The following DCAF6 variants were observed in gnomAD, a reference collection of about 807,000 sequenced individuals.
DCAF6 encodes the protein DDB1- and CUL4-associated factor 6.
A neutral mutation model predicts 125.1 loss-of-function variants in DCAF6; 54 were observed. That is an observed-to-expected ratio of 0.43 (90% CI 0.35 to 0.54). The LOEUF is 0.54. Ranked by LOEUF, DCAF6 falls within the 20% of genes least tolerant of loss-of-function variation. The probability of loss-of-function intolerance (pLI) is 0.01; values close to 1 mark genes in which losing one functional copy is unlikely to be tolerated. For synonymous variants in DCAF6, 371 were observed against 390.4 expected (o/e 0.95, Z 0.58); for missense variants, 934 against 1,161.7 (o/e 0.80, Z 2.85).
Position 167,936,919 on chromosome 1 carries a change from G to T in DCAF6, c.8G>T (p.Arg3Leu). MS[R>L]GGSYPHLLWD... ...CCCGGCTCAGGCAGAGCCATGTCTCGGGGTGGCTCCTACCCACACCTGTTG... is the reference window on the plus strand; with the variant it reads ...CCCGGCTCAGGCAGAGCCATGTCTCTGGGTGGCTCCTACCCACACCTGTTG... Residue 3 changes from arginine to leucine, a missense_variant, in exon 1 of 22, where the codon CGG (arginine) becomes CTG (leucine). Transcript: ENST00000367840. The T allele has an allele frequency of 6.2e-7, 1 of 1,604,286 alleles. No homozygotes were observed. The highest frequency in any genetic ancestry group is 1.1e-5 in the South Asian group (1 of 89,142).
intron 11 of DCAF6, among the ~76,000 whole-genome samples, chr1:168,017,495 A>T (rs1685139929): frequency 6.6e-6 from 1 of 152,082 alleles, no homozygotes; most frequent in Non-Finnish European, 1.5e-5. Context: ...ACGGATTTGA[A>T]TTGAAGCAAG....
chr1:167,960,211 G>A (rs577976627), intron 2 of DCAF6, among the ~76,000 whole-genome samples: 1 of 152,096 alleles, frequency 6.6e-6, no homozygotes, highest in Non-Finnish European at 1.5e-5. Context: ...TCTGAATTCT[G>A]TTTAGTTATC....
chr1:168,028,819 A>G (rs1489361477), intron 12 of DCAF6, among the ~76,000 whole-genome samples: 2 of 152,176 alleles, frequency 1.3e-5, no homozygotes, highest in Non-Finnish European at 2.9e-5. Flanking sequence ...AAACATATTG[A>G]CAATTCTAAT....
At chr1:167,933,286 G>A (rs1486652632), upstream of DCAF6, among the ~76,000 whole-genome samples, 1 of 150,506 alleles carries the variant, frequency 6.6e-6, no homozygotes, top group African/African-American at 2.5e-5. Context: ...TCCCGCCTCA[G>A]CCTCCCAAGT....
intron 14 of DCAF6, among the ~76,000 whole-genome samples, 161 bp from the exon 15 acceptor site, chr1:168,044,418 TATAGAG>T (rs1243715212): frequency 1.3e-5 from 2 of 152,136 alleles, no homozygotes; most frequent in East Asian, 3.9e-4. Context: ...TTATAAGTAA[TATAGAG>T]ATAATTTACA....
intron 21 of DCAF6, among the ~76,000 whole-genome samples, chr1:168,074,154 C>G (rs2102045955): frequency 6.6e-6 from 1 of 151,650 alleles, no homozygotes; most frequent in South Asian, 2.1e-4. Flanking sequence ...TAATCTAATT[C>G]ACTTGGACAA....
At position 168,015,818 on chromosome 1, in the gene DCAF6, G is replaced by A. The variant is rs1437576756; in HGVS notation, c.1416G>A (p.Lys472=). The A allele has an allele frequency of 2.0e-6, 3 of 1,528,852 alleles. No individual in the cohort carries two copies. The highest frequency in any genetic ancestry group is 2.1e-5 in the Admixed American group (1 of 48,498). The allele number at this position is 1,528,852 out of a possible 1,614,324, so 94.7% of individuals were successfully genotyped here. A position where few individuals can be genotyped will look rare whatever the true frequency, so the allele number is the denominator to read the frequency against. ...LRGPEIALLR[K]RLQQLRLKKA... ...GCCCTGAGATAGCTTTGCTTCGTAA[G>A]CGCCTGCAACAACTGAGGCTTAAGA... Residue 472 remains lysine, a synonymous_variant, in exon 11 of 22, where the codon AAG becomes AAA. Coordinates refer to ENST00000367840, the MANE Select transcript of DCAF6 (RefSeq NM_001198956.2).
the DCAF6 span, among the ~76,000 whole-genome samples, chr1:167,909,094 C>T: frequency 3.3e-5 from 5 of 152,180 alleles, no homozygotes; most frequent in African/African-American, 1.2e-4. Context: ...CTGAAGGTAA[C>T]CTTTCTTATT....
intron 7 of DCAF6, among the ~76,000 whole-genome samples, chr1:168,000,008 A>G (rs1020458866): frequency 6.6e-6 from 1 of 152,030 alleles, no homozygotes; most frequent in African/African-American, 2.4e-5. Context: ...AATCGTTTCT[A>G]GCTTTTGATT....
At chr1:167,922,371 T>G in the DCAF6 span, among the ~76,000 whole-genome samples, 2 of 152,080 alleles carry the variant, frequency 1.3e-5, no homozygotes, top group Non-Finnish European at 2.9e-5. Flanking sequence ...ATCAATAAAC[T>G]CCTAAACTGT....
chr1:167,942,495 A>C (rs1269641488), intron 1 of DCAF6, among the ~76,000 whole-genome samples: 1 of 152,226 alleles, frequency 6.6e-6, no homozygotes, highest in Non-Finnish European at 1.5e-5. Context: ...AATTCTTTAT[A>C]TAACAGTCCT....
At chr1:168,020,295 T>G (rs1571969667) in intron 11 of DCAF6, among the ~76,000 whole-genome samples, 1 of 152,344 alleles carries the variant, frequency 6.6e-6, no homozygotes, top group African/African-American at 2.4e-5. Flanking sequence ...ACAATATTAC[T>G]GAGTAGAAAA....
At chr1:167,931,224 G>A (rs1184530148), upstream of DCAF6, among the ~76,000 whole-genome samples, 1 of 152,158 alleles carries the variant, frequency 6.6e-6, no homozygotes, top group African/African-American at 2.4e-5. Context: ...GAGCTACCGC[G>A]CCCAGCTGAT....
In DCAF6 at chr1:167,982,214, G is replaced by A. The variant is rs578031518; in HGVS notation, c.439-5281G>A. On this transcript the variant is annotated intron_variant, in intron 4 of 21. Transcript: ENST00000367840. ...ATGTCCTTTGCTCATTTTTTAAGGG[G>A]GTTATTTGGTTTTTGCTTGTTTAAT... Among the ~76,000 whole-genome samples the A allele has an allele frequency of 2.0e-4, 30 of 152,052 alleles. No individual in the cohort carries two copies. In the South Asian group the frequency reaches 5.6e-3, roughly 28 times the overall value.
At chr1:167,918,037 T>C in the DCAF6 span, 4 of 270,888 alleles carry the variant, frequency 1.5e-5, no homozygotes, top group Non-Finnish European at 2.8e-5. Context: ...TGTACATATG[T>C]TGGCTGACTG....
At chr1:167,878,356 C>T in the DCAF6 span, 1 of 1,448,660 alleles carries the variant, frequency 6.9e-7, no homozygotes, top group African/African-American at 1.4e-5. Context: ...TTTGAACTGG[C>T]TCCAAATCTT....
chr1:167,899,447 ACT>A, the DCAF6 span: 2 of 1,613,916 alleles, frequency 1.2e-6, no homozygotes, highest in African/African-American at 1.3e-5. Context: ...GATCTGGAAC[ACT>A]CTCAATTTCA....
At chr1:167,964,543 G>A (rs1220878904) in intron 2 of DCAF6, among the ~76,000 whole-genome samples, 1 of 151,982 alleles carries the variant, frequency 6.6e-6, no homozygotes, top group East Asian at 1.9e-4. Flanking sequence ...TATTTATCCT[G>A]ATTATTGTTC....
In DCAF6 at chr1:168,025,864, C is replaced by A. The variant is rs1164806325; in HGVS notation, c.1609+2817C>A. Among the ~76,000 whole-genome samples, 3 of 152,314 alleles carry A rather than the reference C, an allele frequency of 2.0e-5. 1 individual carries two copies. The highest frequency in any genetic ancestry group is 4.1e-4 in the South Asian group (2 of 4,830). ...CCTTTCAAAAGAACCCAAATCCATACCTTGGCTTACAAAACCTACATGACT... is the reference window on the plus strand; with the variant it reads ...CCTTTCAAAAGAACCCAAATCCATAACTTGGCTTACAAAACCTACATGACT... On this transcript the variant is annotated intron_variant, in intron 12 of 21. Transcript: ENST00000367840.
Sources: allele counts gnomAD v4.1 joint callset (sites outside exome capture counted in the v4.1 genomes callset), GRCh38; gene constraint gnomAD v4.1.1; transcripts MANE v1.5; gene names NCBI Gene and HGNC (gene_info 2026-07-23, HGNC 2026-07-21).